The following SBDS variants were observed in gnomAD, a reference collection of about 807,000 sequenced individuals.
The protein encoded by SBDS is SBDS ribosome maturation factor.
In SBDS, 20 loss-of-function variants were observed where a neutral mutation model predicts 26.4. The ratio of observed to expected loss-of-function variants is 0.76; its 90% CI spans 0.53 to 1.10. SBDS has a LOEUF of 1.10. Among genes scored for constraint, SBDS ranks in the 50% least tolerant of loss-of-function variants. The pLI is 0.00. For missense variants in SBDS, 241 were observed against 302.0 expected (o/e 0.80, Z 1.50); for synonymous variants, 95 against 105.1 (o/e 0.90, Z 0.59).
At chr7:66,994,366 C>T (rs1036246720) in intron 1 of SBDS, 25 bp from the exon 2 acceptor site, 17 of 1,609,940 alleles carry the variant, frequency 1.1e-5, no homozygotes, top group Non-Finnish European at 1.4e-5. Context: ...AGAGAAAGTC[C>T]TATGTGAATA....
chr7:66,990,405 A>G (rs1792950452), intron 4 of SBDS, among the ~76,000 whole-genome samples: 3 of 152,136 alleles, frequency 2.0e-5, no homozygotes, highest in African/African-American at 4.8e-5. Flanking sequence ...TATGATTTCA[A>G]CATTGGGATT....
intron 4 of SBDS, 135 bp downstream of exon 4, chr7:66,991,002 G>GC (rs1368963143): frequency 2.2e-5 from 17 of 789,064 alleles, no homozygotes; most frequent in Non-Finnish European, 3.1e-5. Context: ...GGGCAACAGA[G>GC]CGAGACTCCA....
chr7:66,994,019 CAA>C (rs66521756), intron 2 of SBDS, among the ~76,000 whole-genome samples, 191 bp downstream of exon 2: 121 of 81,660 alleles, frequency 1.5e-3, no homozygotes, highest in African/African-American at 3.6e-3. Flanking sequence ...GAGGTTTTGG[CAA>C]AAAAAAAAAA....
At position 66,995,367 on chromosome 7, in the gene SBDS, C is replaced by T; in HGVS notation, c.51G>A (p.Val17=). 6.8e-6 allele frequency: 11 copies of T among 1,614,148 alleles called. No homozygotes were observed. The highest frequency in any genetic ancestry group is 1.1e-5 in the South Asian group (1 of 91,084). ...TNQIRLTNVA[V]VRMKRAGKRF... ...GCTTCCCGGCACGCTTCATCCGTACCACGGCCACATTGGTTAGGCGGATCT... is the reference window on the plus strand; with the variant it reads ...GCTTCCCGGCACGCTTCATCCGTACTACGGCCACATTGGTTAGGCGGATCT... The change falls in exon 1 of 5, where the codon GTG becomes GTA. Residue 17 remains valine, a synonymous_variant. Transcript: ENST00000246868.
At position 66,994,269 on chromosome 7, in the gene SBDS, T is replaced by C. The variant is rs1061695; in HGVS notation, c.201A>G (p.Lys67=). ...FVNVSKGQVA[K]KEDLISAFGT... is the part of the protein sequence containing the mutation. ...CAAACGCACTGATGAGATCTTCCTT[T>C]TTGGCAACCTGACCTTTAGAAACAT... is the stretch of plus-strand genomic sequence containing the variant. Residue 67 remains lysine, a synonymous_variant, in exon 2 of 5, where the codon AAA becomes AAG. Coordinates refer to ENST00000246868, the MANE Select transcript of SBDS (RefSeq NM_016038.4). 0.099 allele frequency: 160,264 copies of C among 1,611,710 alleles called. 9,317 individuals carry two copies. The highest frequency in any genetic ancestry group is 0.11 in the Non-Finnish European group (128,261 of 1,177,894).
chr7:66,995,409 G>A lies in SBDS; in HGVS notation c.9C>T (p.Ile3=). 1 of 1,613,776 alleles carries A rather than the reference G, an allele frequency of 6.2e-7. No homozygotes were observed. Among genetic ancestry groups the A allele is most frequent in the Non-Finnish European group, 8.5e-7 (1 of 1,179,996 alleles). The change falls in exon 1 of 5, where the codon ATC becomes ATT. Residue 3 remains isoleucine (I), a synonymous_variant. Coordinates refer to ENST00000246868, the MANE Select transcript of SBDS (RefSeq NM_016038.4). The stretch of plus-strand genomic sequence containing the variant: ...GGCGGATCTGGTTGGTGGGGGTGAA[G>A]ATCGACATCGCGGCTGTTCAAAGAC... The part of the protein sequence containing the change: MS[I]FTPTNQIRLT...
chr7:66,991,077 T>A, intron 4 of SBDS, 60 bp downstream of exon 4: 1 of 1,395,454 alleles, frequency 7.2e-7, no homozygotes, highest in South Asian at 1.2e-5. Flanking sequence ...TGCTACAAAT[T>A]TATTACTAGA....
At chr7:66,995,121 T>C in intron 1 of SBDS, 169 bp downstream of exon 1, 1 of 908,506 alleles carries the variant, frequency 1.1e-6, no homozygotes, top group Non-Finnish European at 1.7e-6. Context: ...AACCCTTGGC[T>C]TAGGCGCCAA....
intron 4 of SBDS, among the ~76,000 whole-genome samples, chr7:66,989,294 C>T (rs1244761197): frequency 1.3e-5 from 2 of 151,820 alleles, no homozygotes; most frequent in African/African-American, 4.8e-5. Flanking sequence ...GCCTGTAATC[C>T]CAGCACTTTG....
intron 3 of SBDS, among the ~76,000 whole-genome samples, chr7:66,991,726 G>A (rs951332312): frequency 4.4e-5 from 6 of 135,926 alleles, no homozygotes; most frequent in African/African-American, 1.3e-4. Flanking sequence ...TTGAATCCGG[G>A]AGGCAGAGTT....
intron 4 of SBDS, among the ~76,000 whole-genome samples, chr7:66,988,842 C>T (rs1179715904): frequency 6.6e-6 from 1 of 152,098 alleles, no homozygotes; most frequent in East Asian, 1.9e-4. Flanking sequence ...AAGTCACCTC[C>T]ACGTATGAAG....
chr7:66,992,931 C>T (rs965086874), intron 3 of SBDS, among the ~76,000 whole-genome samples: 32 of 150,176 alleles, frequency 2.1e-4, no homozygotes, highest in African/African-American at 9.8e-5. Flanking sequence ...TGCTTGAACG[C>T]GGGAGGTGGA....
Position 66,987,915 on chromosome 7 carries a change from A to G in SBDS, c.*456T>C, listed in dbSNP as rs1385792041. 4 of 220,782 alleles carry G rather than the reference A, an allele frequency of 1.8e-5. No individual in the cohort carries two copies. In the East Asian group the frequency reaches 2.1e-4, roughly 11 times the overall value. The allele number at this position is 220,782 out of a possible 1,614,324, so 13.7% of individuals were successfully genotyped here. On this transcript the variant is annotated 3_prime_UTR_variant, in exon 5 of 5. Coordinates refer to ENST00000246868, the MANE Select transcript of SBDS (RefSeq NM_016038.4). ...AACATCATCCAAGCTTTACATTACG[A>G]TACCATAATGACCCTCAGAACACAA...
chr7:66,994,488 T>G lies in SBDS; in HGVS notation c.129-147A>C, dbSNP rs916103675. On this transcript the variant is annotated intron_variant, in intron 1 of 4. Coordinates refer to ENST00000246868, the MANE Select transcript of SBDS (RefSeq NM_016038.4). ...TTTAGTGTAGAGGGCAGTTTTCTTT[T>G]TCTTACCCCCCAACCCCCGCCCCTA... 16 of 709,402 alleles carry G rather than the reference T, an allele frequency of 2.3e-5. No individual in the cohort carries two copies. In the Admixed American group the frequency reaches 3.6e-4, roughly 16 times the overall value. 43.9% of individuals were successfully genotyped at this position (709,402 alleles called of 1,614,324 possible).
intron 4 of SBDS, among the ~76,000 whole-genome samples, chr7:66,988,861 G>A (rs1792919031): frequency 6.6e-6 from 1 of 152,108 alleles, no homozygotes. Context: ...AGGAGAAAAA[G>A]CAATGTGAAG....
At chr7:66,994,112 G>A (rs1477616329) in intron 2 of SBDS, 100 bp downstream of exon 2, 17 of 1,156,004 alleles carry the variant, frequency 1.5e-5, no homozygotes, top group African/African-American at 3.0e-5. Flanking sequence ...TTATTGCTTG[G>A]TTAGTCTTTC....
intron 2 of SBDS, among the ~76,000 whole-genome samples, 190 bp from the exon 3 acceptor site, chr7:66,993,607 C>G (rs1049590888): frequency 2.6e-5 from 4 of 152,128 alleles, no homozygotes; most frequent in Non-Finnish European, 1.5e-5. Context: ...GGCTCAGTGG[C>G]TCACATCTGT....
At chr7:66,988,902 T>A (rs1441512162) in intron 4 of SBDS, among the ~76,000 whole-genome samples, 2 of 152,074 alleles carry the variant, frequency 1.3e-5, no homozygotes, top group Admixed American at 6.6e-5. Flanking sequence ...TATGTTAATT[T>A]ATTTTTTTTT....
rs532098032 is a variant in SBDS, at chr7:66,990,933, C to T, written c.624+204G>A. The T allele has an allele frequency of 8.2e-4, 369 of 451,602 alleles. 1 individual carries two copies. Among genetic ancestry groups the T allele is most frequent in the Non-Finnish European group, 1.2e-3 (309 of 250,114 alleles). The allele number at this position is 451,602 out of a possible 1,614,324, so 28.0% of individuals were successfully genotyped here. A position where few individuals can be genotyped will look rare whatever the true frequency, so the allele number is the denominator to read the frequency against. On this transcript the variant is annotated intron_variant, in intron 4 of 4. Coordinates refer to ENST00000246868, the MANE Select transcript of SBDS (RefSeq NM_016038.4). The stretch of plus-strand genomic sequence containing the variant: ...ACAGGAGGCTGAGGCAGGAGAATGG[C>T]GTGTACCCGGGAGGCGGAGCTTGCA...
Sources: allele counts gnomAD v4.1 joint callset (sites outside exome capture counted in the v4.1 genomes callset), GRCh38; gene constraint gnomAD v4.1.1; transcripts MANE v1.5; gene names NCBI Gene and HGNC (gene_info 2026-07-23, HGNC 2026-07-21).